The following FGF13 variants were observed in gnomAD, a reference collection of about 807,000 sequenced individuals.
FGF13 encodes fibroblast growth factor homologous factor 2.
In FGF13, 2 loss-of-function variants were observed where a neutral mutation model predicts 19.5. That is an observed-to-expected ratio of 0.10 (90% CI 0.04 to 0.32). The LOEUF is 0.32. FGF13 is among the 10% of genes least tolerant of loss of function. The pLI is 1.00. For synonymous variants in FGF13, 72 were observed against 76.9 expected (o/e 0.94, Z 0.33); for missense variants, 113 against 192.7 (o/e 0.59, Z 2.45).
intron 1 of FGF13, among the ~76,000 whole-genome samples, chrX:139,175,341 C>G (rs1172568204): frequency 8.9e-6 from 1 of 112,352 alleles, no homozygotes; most frequent in Non-Finnish European, 1.9e-5. Flanking sequence ...GTCATGTCAT[C>G]TGCATACAGA....
intron 1 of FGF13, among the ~76,000 whole-genome samples, chrX:139,174,463 A>G (rs906731083): frequency 8.9e-6 from 1 of 112,241 alleles, no homozygotes; most frequent in Admixed American, 9.4e-5. Context: ...TATTTTAGTC[A>G]TGACATCTTT....
At chrX:138,717,212 GA>G (rs1178841605) in intron 1 of FGF13, among the ~76,000 whole-genome samples, 1 of 111,733 alleles carries the variant, frequency 8.9e-6, no homozygotes, top group Non-Finnish European at 1.9e-5. Flanking sequence ...AGAAAACCTG[GA>G]GAGAAATAGC....
intron 1 of FGF13, among the ~76,000 whole-genome samples, chrX:139,111,394 G>C (rs1405651879): frequency 8.9e-6 from 1 of 111,913 alleles, no homozygotes; most frequent in African/African-American, 3.2e-5. Context: ...CAACTCCTAA[G>C]AGTTCTCTTT....
intron 1 of FGF13, among the ~76,000 whole-genome samples, chrX:139,157,619 G>A (rs1356543487): frequency 8.9e-6 from 1 of 112,694 alleles, no homozygotes; most frequent in Non-Finnish European, 1.9e-5. Context: ...CCAGCCTCCA[G>A]AACCATGAGT....
In FGF13 at chrX:139,007,277, G is replaced by A. The variant is rs192930598; in HGVS notation, c.-112-142627C>T. ...GAAAGTCACTGTATAATGATAAAGA[G>A]GTCAATTTGGCAAGAGGATACAATA... On this transcript the variant is annotated intron_variant, in intron 1 of 2. Transcript: ENST00000421460. Among the ~76,000 whole-genome samples the A allele has an allele frequency of 2.5e-3, 275 of 111,002 alleles. 1 individual carries two copies. The highest frequency in any genetic ancestry group is 4.4e-3 in the Non-Finnish European group (232 of 52,894).
intron 3 of FGF13, among the ~76,000 whole-genome samples, chrX:138,664,213 A>G (rs1274566347): frequency 8.9e-6 from 1 of 111,922 alleles, no homozygotes; most frequent in Non-Finnish European, 1.9e-5. Context: ...TGTTTGATTG[A>G]TGCAATGAAG....
intron 3 of FGF13, among the ~76,000 whole-genome samples, chrX:138,802,988 C>A (rs746594684): frequency 1.7e-4 from 19 of 111,491 alleles, no homozygotes; most frequent in Non-Finnish European, 3.4e-4. Context: ...ATTAAGGAAC[C>A]AAGACTTGAA....
At chrX:138,997,548 A>G (rs1217719024) in intron 1 of FGF13, among the ~76,000 whole-genome samples, 1 of 111,720 alleles carries the variant, frequency 9.0e-6, no homozygotes, top group Non-Finnish European at 1.9e-5. Flanking sequence ...ACAAGTTTCA[A>G]TGGTCGAATC....
chrX:138,977,509 C>CT (rs796162736), intron 1 of FGF13, among the ~76,000 whole-genome samples: 2 of 112,518 alleles, frequency 1.8e-5, no homozygotes, highest in South Asian at 7.2e-4. Context: ...TTTGCCACAG[C>CT]TTGCAACTTC....
chrX:138,984,877 C>G (rs1245006021), intron 1 of FGF13: 7 of 266,142 alleles, frequency 2.6e-5, no homozygotes, highest in African/African-American at 2.0e-4. Flanking sequence ...AATGAGGCAA[C>G]ACTGTCATCA....
In FGF13 at chrX:138,871,143, C is replaced by A. The variant is rs181833832; in HGVS notation, c.-112-6493G>T. 2.0e-4 allele frequency among the ~76,000 whole-genome samples: 22 copies of A among 112,210 alleles called. No homozygotes were observed. In the East Asian group the frequency reaches 5.6e-3, roughly 29 times the overall value. ...TGAAAACCTAAGTAGGTTTTAAAGT[C>A]CACATGCCTTCTATAGTTATAACAA... On this transcript the variant is annotated intron_variant, in intron 1 of 2. Transcript: ENST00000421460.
intron 1 of FGF13, among the ~76,000 whole-genome samples, chrX:139,026,819 CTG>C (rs2092202857): frequency 8.9e-6 from 1 of 112,090 alleles, no homozygotes; most frequent in Non-Finnish European, 1.9e-5. Flanking sequence ...CTTCCCCAAA[CTG>C]TGACCCAGCA....
At chrX:138,640,521 G>A (rs927171033) in intron 3 of FGF13, among the ~76,000 whole-genome samples, 1 of 111,676 alleles carries the variant, frequency 9.0e-6, no homozygotes, top group Non-Finnish European at 1.9e-5. Context: ...TATCTCTTTG[G>A]CCTCCCGGAG....
intron 1 of FGF13, among the ~76,000 whole-genome samples, chrX:139,142,819 G>A (rs1174409152): frequency 9.0e-6 from 1 of 111,408 alleles, no homozygotes; most frequent in East Asian, 2.8e-4. Context: ...TCCACATATC[G>A]CATGTAACTG....
chrX:138,694,529 C>T (rs2089873108), intron 3 of FGF13, among the ~76,000 whole-genome samples: 2 of 104,353 alleles, frequency 1.9e-5, no homozygotes, highest in Non-Finnish European at 3.9e-5. Context: ...TGGCTCACTG[C>T]AAGCTCCGCC....
chrX:139,046,878 A>T (rs1051464741), intron 1 of FGF13, among the ~76,000 whole-genome samples: 4 of 111,846 alleles, frequency 3.6e-5, no homozygotes, highest in Non-Finnish European at 7.5e-5. Flanking sequence ...AAGAGCCTGC[A>T]TGGCCCCCTC....
chrX:139,143,204 C>T (rs983918327), intron 1 of FGF13, among the ~76,000 whole-genome samples: 1 of 111,611 alleles, frequency 9.0e-6, no homozygotes, highest in African/African-American at 3.3e-5. Context: ...GAAAGGGGAG[C>T]CAGAAGTCTC....
intron 3 of FGF13, among the ~76,000 whole-genome samples, chrX:138,804,152 C>T (rs1353989611): frequency 1.8e-5 from 2 of 111,530 alleles, no homozygotes; most frequent in Non-Finnish European, 3.8e-5. Flanking sequence ...ACAGAATTTA[C>T]ATTTTCTTTT....
At chrX:139,133,312 G>A (rs927783908) in intron 1 of FGF13, among the ~76,000 whole-genome samples, 3 of 102,801 alleles carry the variant, frequency 2.9e-5, no homozygotes, top group African/African-American at 1.1e-4. Flanking sequence ...TGAGCCTGGA[G>A]GAGGCTCAGT....
Sources: gnomAD v4.1 joint callset for allele counts (sites outside exome capture counted in the v4.1 genomes callset) on GRCh38, gnomAD v4.1.1 for gene constraint, MANE v1.5 for transcripts, NCBI Gene and HGNC (gene_info 2026-07-23, HGNC 2026-07-21) for gene names.